Variants in ZNRF1 observed in about 807,000 individuals in gnomAD.
ZNRF1 encodes zinc and ring finger 1.
ZNRF1 carries 3 observed loss-of-function variants against 18.4 expected under a neutral mutation model. The ratio of observed to expected loss-of-function variants is 0.16; its 90% CI spans 0.07 to 0.42. The LOEUF (loss-of-function observed/expected upper bound fraction) is 0.42, where lower values mean the gene tolerates loss of function less well. Ranked by LOEUF, ZNRF1 falls within the 10% of genes least tolerant of loss-of-function variation. ZNRF1 has a pLI of 0.99. For synonymous variants in ZNRF1, 157 were observed against 144.2 expected (o/e 1.09, Z -0.64); for missense variants, 310 against 329.8 (o/e 0.94, Z 0.47).
intron 1 of ZNRF1, among the ~76,000 whole-genome samples, chr16:75,073,067 A>T (rs2035890068): frequency 6.7e-6 from 1 of 150,074 alleles, no homozygotes; most frequent in African/African-American, 2.4e-5. Context: ...GGTGGGAGGA[A>T]TGCTTGAGCC....
chr16:74,999,329 G>C lies in ZNRF1; in HGVS notation c.-343G>C, dbSNP rs1426907525. The C allele has an allele frequency of 3.8e-5, 6 of 159,838 alleles. No individual in the cohort carries two copies. Among genetic ancestry groups the C allele is most frequent in the African/African-American group, 1.4e-4 (6 of 41,676 alleles). 9.9% of individuals were successfully genotyped at this position (159,838 alleles called of 1,614,324 possible). On this transcript the variant is annotated 5_prime_UTR_variant, in exon 1 of 5. Coordinates refer to ENST00000335325, the MANE Select transcript of ZNRF1 (RefSeq NM_032268.5). ...CCGCGCCCGCCCGCCGCTCGCCGCCGCCTCCCTCCCTCCTTCCCTGCGGCT... is the reference window on the plus strand; with the variant it reads ...CCGCGCCCGCCCGCCGCTCGCCGCCCCCTCCCTCCCTCCTTCCCTGCGGCT...
At chr16:75,027,158 C>G (rs1036736837) in intron 1 of ZNRF1, among the ~76,000 whole-genome samples, 1 of 151,924 alleles carries the variant, frequency 6.6e-6, no homozygotes, top group South Asian at 2.1e-4. Flanking sequence ...GTAATCCCAG[C>G]ACTTTGGGAG....
chr16:75,110,691 T>A lies in ZNRF1; in HGVS notation c.*2991T>A, dbSNP rs1011788550. ...TCTGTATGTTTGGAATTTTTCTTAA[T>A]AAAAGATTGTGGGAAATGGTCATTT... On this transcript the variant is annotated 3_prime_UTR_variant, in exon 5 of 5. Coordinates refer to ENST00000335325, the MANE Select transcript of ZNRF1 (RefSeq NM_032268.5). The A allele has an allele frequency of 6.6e-6, 1 of 152,272 alleles. No homozygotes were observed. The highest frequency in any genetic ancestry group is 1.5e-5 in the Non-Finnish European group (1 of 68,050). 9.4% of individuals were successfully genotyped at this position (152,272 alleles called of 1,614,324 possible).
intron 1 of ZNRF1, among the ~76,000 whole-genome samples, chr16:75,065,867 T>C (rs1207760469): frequency 6.6e-6 from 1 of 152,168 alleles, no homozygotes; most frequent in Non-Finnish European, 1.5e-5. Flanking sequence ...CGATTAACCT[T>C]AGAGACAAGA....
chr16:75,108,019 TA>T lies in ZNRF1; in HGVS notation c.*328del, dbSNP rs1309273839. 42 of 308,756 alleles carry T rather than the reference TA, an allele frequency of 1.4e-4. No homozygotes were observed. The highest frequency in any genetic ancestry group is 4.3e-4 in the South Asian group (17 of 39,690). 19.1% of individuals were successfully genotyped at this position (308,756 alleles called of 1,614,324 possible). ...AAAGTGTTTACAAAAAAAAATTATATAAAAAAAAAGTCTAGTGTCGACTGGT... is the reference window on the plus strand; with the variant it reads ...AAAGTGTTTACAAAAAAAAATTATATAAAAAAAAGTCTAGTGTCGACTGGT... On this transcript the variant is annotated 3_prime_UTR_variant, in exon 5 of 5. Transcript: ENST00000335325.
intron 1 of ZNRF1, among the ~76,000 whole-genome samples, chr16:75,026,234 A>T (rs1299137862): frequency 1.3e-5 from 2 of 152,228 alleles, no homozygotes; most frequent in East Asian, 1.9e-4. Flanking sequence ...ATTCCTAAAA[A>T]AGAAAAACAT....
chr16:75,032,522 G>A (rs1299014414), intron 1 of ZNRF1, among the ~76,000 whole-genome samples: 4 of 151,056 alleles, frequency 2.6e-5, no homozygotes, highest in East Asian at 3.9e-4. Context: ...CAACAAGAGC[G>A]AAACTCCATC....
intron 1 of ZNRF1, among the ~76,000 whole-genome samples, chr16:75,063,867 G>A (rs1316437416): frequency 6.6e-6 from 1 of 152,214 alleles, no homozygotes; most frequent in Non-Finnish European, 1.5e-5. Context: ...GGTTGGCTGT[G>A]ACCTCCCTGT....
intron 4 of ZNRF1, 69 bp from the exon 5 acceptor site, chr16:75,107,664 A>C: frequency 2.2e-6 from 1 of 455,674 alleles, no homozygotes; most frequent in South Asian, 1.5e-5. Flanking sequence ...CTTGGGATGC[A>C]GCTGCCCTGG....
At chr16:75,063,811 G>C (rs1001597503) in intron 1 of ZNRF1, among the ~76,000 whole-genome samples, 1 of 152,172 alleles carries the variant, frequency 6.6e-6, no homozygotes, top group Non-Finnish European at 1.5e-5. Flanking sequence ...GCACAGTGCA[G>C]TCGCTGCCTT....
intron 1 of ZNRF1, among the ~76,000 whole-genome samples, chr16:75,071,640 C>G (rs961077465): frequency 6.6e-6 from 1 of 152,142 alleles, no homozygotes; most frequent in Non-Finnish European, 1.5e-5. Context: ...CACACAGGTT[C>G]AAGGGCAGGG....
At chr16:75,063,089 C>A (rs2035762325) in intron 1 of ZNRF1, among the ~76,000 whole-genome samples, 2 of 152,248 alleles carry the variant, frequency 1.3e-5, no homozygotes, top group South Asian at 4.1e-4. Flanking sequence ...ATAAGCCTCA[C>A]TTTACGAGTG....
chr16:75,040,188 G>T (rs1251997491), intron 1 of ZNRF1, among the ~76,000 whole-genome samples: 3 of 151,418 alleles, frequency 2.0e-5, no homozygotes, highest in African/African-American at 2.4e-5. Context: ...GGCACTGCAG[G>T]CGCGCACCAC....
intron 1 of ZNRF1, among the ~76,000 whole-genome samples, chr16:75,021,604 A>G (rs1300242135): frequency 6.6e-6 from 1 of 152,150 alleles, no homozygotes; most frequent in African/African-American, 2.4e-5. Context: ...GCTAGTTATA[A>G]AAGTCTGGGT....
chr16:75,077,700 T>G (rs1022286684), intron 1 of ZNRF1, among the ~76,000 whole-genome samples: 2 of 152,238 alleles, frequency 1.3e-5, no homozygotes, highest in African/African-American at 2.4e-5. Context: ...CTCGCTGGGC[T>G]GAAATCAAGG....
At chr16:75,049,277 T>C (rs897240821) in intron 1 of ZNRF1, among the ~76,000 whole-genome samples, 4 of 152,142 alleles carry the variant, frequency 2.6e-5, no homozygotes, top group Admixed American at 6.5e-5. Flanking sequence ...AGTGCTGGGA[T>C]TACAGGTGTG....
chr16:75,068,456 C>T (rs1233141090), intron 1 of ZNRF1, among the ~76,000 whole-genome samples: 1 of 152,128 alleles, frequency 6.6e-6, no homozygotes, highest in African/African-American at 2.4e-5. Flanking sequence ...TGTGGCCAAT[C>T]CCTTTCTCCC....
chr16:75,061,803 G>A lies in ZNRF1; in HGVS notation c.425-31769G>A, dbSNP rs746736934. On this transcript the variant is annotated intron_variant, in intron 1 of 4. Transcript: ENST00000335325. ...TTTAGGTTTCTTAACACAATGAGTC[G>A]TCTTGTCAGCAGCTTGGTTTAAAGT... is the stretch of plus-strand genomic sequence containing the variant. 1.1e-3 allele frequency among the ~76,000 whole-genome samples: 164 copies of A among 152,276 alleles called. 2 individuals are homozygous for A. Among genetic ancestry groups the A allele is most frequent in the Non-Finnish European group, 3.4e-4 (23 of 68,040 alleles).
intron 1 of ZNRF1, among the ~76,000 whole-genome samples, chr16:75,018,651 A>G: frequency 6.6e-6 from 1 of 152,186 alleles, no homozygotes; most frequent in Non-Finnish European, 1.5e-5. Context: ...TCAGATGATC[A>G]TCTGGGCTTT....
Sources: allele counts gnomAD v4.1 joint callset (sites outside exome capture counted in the v4.1 genomes callset), GRCh38; gene constraint gnomAD v4.1.1; transcripts MANE v1.5; gene names NCBI Gene and HGNC (gene_info 2026-07-23, HGNC 2026-07-21).